The following SACS variants were observed in gnomAD, a reference collection of about 807,000 sequenced individuals.
SACS encodes the protein sacsin molecular chaperone.
Under a neutral mutation model 348.0 loss-of-function variants are expected in SACS, and 197 were observed. That is an observed-to-expected ratio of 0.57 (90% CI 0.50 to 0.64). The LOEUF (loss-of-function observed/expected upper bound fraction) is 0.64, where lower values mean the gene tolerates loss of function less well. Ranked by LOEUF, SACS falls within the 30% of genes least tolerant of loss-of-function variation. SACS has a pLI of 0.00. For missense variants in SACS, 4,999 were observed against 5,360.8 expected, an observed-to-expected ratio of 0.93 and a Z score of 2.11; for synonymous variants, 1,985 against 1,910.6, an observed-to-expected ratio of 1.04 and a Z score of -1.02.
intron 1 of SACS, among the ~76,000 whole-genome samples, chr13:23,417,311 G>A (rs1294328253): frequency 2.0e-5 from 3 of 152,112 alleles, no homozygotes; most frequent in Non-Finnish European, 4.4e-5. Flanking sequence ...CAAAACCCCA[G>A]CAACCTTGCA....
chr13:23,406,520 A>G (rs975112560), intron 2 of SACS, among the ~76,000 whole-genome samples: 9 of 128,668 alleles, frequency 7.0e-5, no homozygotes, highest in African/African-American at 2.0e-4. Context: ...CCAAAACTTA[A>G]AGTATAATAA....
At chr13:23,430,160 A>G (rs1421060612) in intron 1 of SACS, among the ~76,000 whole-genome samples, 1 of 152,130 alleles carries the variant, frequency 6.6e-6, no homozygotes, top group Non-Finnish European at 1.5e-5. Context: ...GTGAGCCGAG[A>G]TTGCACCACT....
In SACS at chr13:23,334,221, A is replaced by G. The variant is rs1883682124; in HGVS notation, c.9655T>C (p.Ser3219Pro). ...TTATATTCTCGAGGCAACACAGAGG[A>G]TAACAAATCAGCAAAGCTGGAAATG... ...FDISSFADLL[S>P]SVLPREYKTK... is the part of the protein sequence containing the mutation. Residue 3219 changes from serine (S) to proline (P), a missense_variant, in exon 10 of 10, where the codon TCC becomes CCC. Around this residue, in one of 6 missense-constraint regions of SACS, gnomAD observed 734 missense variants for 694.0 expected, o/e 1.06. Transcript: ENST00000382292. 1 of 1,613,640 alleles carries G rather than the reference A, an allele frequency of 6.2e-7. No individual in the cohort carries two copies. The highest frequency in any genetic ancestry group is 1.3e-5 in the African/African-American group (1 of 74,930).
chr13:23,361,011 T>A (rs1406834158), intron 6 of SACS, among the ~76,000 whole-genome samples: 1 of 152,154 alleles, frequency 6.6e-6, no homozygotes, highest in Non-Finnish European at 1.5e-5. Flanking sequence ...TGCCTCAGCC[T>A]CCCAAAGTGC....
Position 23,341,224 on chromosome 13 carries a change from T to A in SACS, c.2652A>T (p.Pro884=), listed in dbSNP as rs751143652. The A allele has an allele frequency of 1.2e-6, 2 of 1,614,064 alleles. No homozygotes were observed. Among genetic ancestry groups the A allele is most frequent in the South Asian group, 2.2e-5 (2 of 91,090 alleles). Residue 884 remains proline (P), a synonymous_variant, in exon 10 of 10, where the codon CCA becomes CCT. Coordinates refer to ENST00000382292, the MANE Select transcript of SACS (RefSeq NM_014363.6). The stretch of plus-strand genomic sequence containing the variant: ...TTATTTGATTACACAATTTCTGCAA[T>A]GGCATCTTCTCCATTATCTGCAAAA... ...SAVLQIMEKM[P]LQKLCNQITS... is the part of the protein sequence containing the mutation.
In SACS at chr13:23,337,346, T is replaced by C. The variant is rs776318990; in HGVS notation, c.6530A>G (p.Asp2177Gly). 2 of 1,613,988 alleles carry C rather than the reference T, an allele frequency of 1.2e-6. No homozygotes were observed. The highest frequency in any genetic ancestry group is 1.1e-5 in the South Asian group (1 of 91,076). ...ACTTCTTAGGCATGCAGCAACATGA[T>C]CACTTTTATTAATTTCAGCTACTGA... ...AVSVAEINKS[D>G]HVAACLRSSI... Residue 2177 changes from aspartate (D) to glycine (G), a missense_variant, in exon 10 of 10, where the codon GAT (aspartate) becomes GGT (glycine). Coordinates refer to ENST00000382292, the MANE Select transcript of SACS (RefSeq NM_014363.6).
intron 2 of SACS, among the ~76,000 whole-genome samples, chr13:23,409,536 C>T (rs531697782): frequency 1.3e-5 from 2 of 149,958 alleles, no homozygotes; most frequent in Non-Finnish European, 3.0e-5. Context: ...TTAGTAAAGA[C>T]GGGGTTTTGC....
intron 2 of SACS, 141 bp from the exon 3 acceptor site, chr13:23,375,410 G>C (rs1871704770): frequency 1.6e-6 from 2 of 1,227,570 alleles, no homozygotes; most frequent in African/African-American, 1.6e-5. Flanking sequence ...GCCGGCGCCC[G>C]ATCACGGCCG....
chr13:23,358,233 G>T, intron 7 of SACS, 102 bp downstream of exon 7: 2 of 1,252,330 alleles, frequency 1.6e-6, no homozygotes, highest in Admixed American at 1.7e-5. Flanking sequence ...ATTTGGGTAA[G>T]ATGGCTTTTA....
Position 23,359,181 on chromosome 13 carries a change from C to CAA in SACS, c.458-702_458-701dup, listed in dbSNP as rs199715623. Among the ~76,000 whole-genome samples, 7 of 146,336 alleles carry CAA rather than the reference C, an allele frequency of 4.8e-5. 1 individual carries two copies. The highest frequency in any genetic ancestry group is 1.8e-4 in the African/African-American group (7 of 39,706). ...TGGGCAACAGAGCAAGATTCCGTCTCAAAAAAAAAGAAAAAAGAAAAAGAA... is the reference window on the plus strand; with the variant it reads ...TGGGCAACAGAGCAAGATTCCGTCTCAAAAAAAAAAAGAAAAAAGAAAAAGAA... On this transcript the variant is annotated intron_variant, in intron 6 of 9. Coordinates refer to ENST00000382292, the MANE Select transcript of SACS (RefSeq NM_014363.6).
At chr13:23,400,526 T>C (rs1872922574) in intron 2 of SACS, among the ~76,000 whole-genome samples, 1 of 152,190 alleles carries the variant, frequency 6.6e-6, no homozygotes, top group South Asian at 2.1e-4. Flanking sequence ...GTTCATGCCA[T>C]TCTCCTGCCT....
intron 9 of SACS, 146 bp from the exon 10 acceptor site, chr13:23,341,836 G>C (rs1467648605): frequency 1.1e-5 from 8 of 700,576 alleles, no homozygotes. Flanking sequence ...GCCCAGGCTG[G>C]AGTGCAGTAG....
intron 2 of SACS, among the ~76,000 whole-genome samples, chr13:23,407,538 A>C (rs1873284694): frequency 6.6e-6 from 1 of 152,034 alleles, no homozygotes; most frequent in African/African-American, 2.4e-5. Context: ...TGACTTATTG[A>C]AGCATCCAGC....
chr13:23,376,101 G>C (rs936907627), intron 2 of SACS, among the ~76,000 whole-genome samples: 9 of 152,120 alleles, frequency 5.9e-5, no homozygotes, highest in Non-Finnish European at 2.9e-5. Flanking sequence ...GGAGGAAAGA[G>C]AGCCAGCAGC....
intron 8 of SACS, 65 bp from the exon 9 acceptor site, chr13:23,353,941 A>C: frequency 1.0e-6 from 1 of 979,140 alleles, no homozygotes; most frequent in Non-Finnish European, 1.7e-6. Context: ...TAAAAAAACA[A>C]TCACATATTT....
intron 4 of SACS, among the ~76,000 whole-genome samples, chr13:23,369,610 T>C (rs907488468): frequency 2.0e-5 from 3 of 151,608 alleles, no homozygotes; most frequent in African/African-American, 7.3e-5. Context: ...AGTGGCGCAA[T>C]CTCAGCTCAC....
chr13:23,355,921 A>G lies in SACS; in HGVS notation c.691T>C (p.Trp231Arg). Residue 231 changes from tryptophan (W) to arginine (R), a missense_variant, in exon 8 of 10, where the codon TGG becomes CGG. Around this residue, in one of 6 missense-constraint regions of SACS, gnomAD observed 3,156 missense variants for 3,380.1 expected, o/e 0.93. Transcript: ENST00000382292. Reference protein sequence around the residue: ...LFGPHESGQCWNLKDDSKEIS... With the variant: ...LFGPHESGQCRNLKDDSKEIS... ...TCTTTGCTGTCATCTTTGAGATTCC[A>G]ACATTGGCCTGATTCATGTGGGCCA... 1 of 1,614,138 alleles carries G rather than the reference A, an allele frequency of 6.2e-7. No homozygotes were observed. Among genetic ancestry groups the G allele is most frequent in the Non-Finnish European group, 8.5e-7 (1 of 1,179,992 alleles).
In SACS at chr13:23,355,243, T is replaced by G; in HGVS notation, c.1369A>C (p.Ser457Arg). The change falls in exon 8 of 10, where the codon AGC becomes CGC. Residue 457 changes from serine (S) to arginine (R), a missense_variant. Physicochemically the swap from Ser to Arg is moderately radical, Grantham distance 110. Around this residue, in one of 6 missense-constraint regions of SACS, gnomAD observed 3,156 missense variants for 3,380.1 expected, o/e 0.93. Transcript: ENST00000382292. The stretch of plus-strand genomic sequence containing the variant: ...CTGATGTGAACTGGGAGGCCTGTGC[T>G]GCTTTCCTCACCAGGTGGTAAAGGA... ...FLPLPPGEES[S>R]TGLPVHISGF... is the part of the protein sequence containing the mutation. The G allele has an allele frequency of 6.2e-7, 1 of 1,614,244 alleles. No homozygotes were observed. Among genetic ancestry groups the G allele is most frequent in the Non-Finnish European group, 8.5e-7 (1 of 1,180,044 alleles).
intron 1 of SACS, among the ~76,000 whole-genome samples, chr13:23,420,670 G>T (rs1873899047): frequency 6.6e-6 from 1 of 152,066 alleles, no homozygotes; most frequent in African/African-American, 2.4e-5. Context: ...TGTCAGTCGG[G>T]AACTGGATGT....
Sources: allele counts gnomAD v4.1 joint callset (sites outside exome capture counted in the v4.1 genomes callset), GRCh38; gene constraint gnomAD v4.1.1; regional missense constraint gnomAD v4.1.1; transcripts MANE v1.5; gene names NCBI Gene and HGNC (gene_info 2026-07-23, HGNC 2026-07-21).